Variants in MED13L observed in about 807,000 individuals in gnomAD.
MED13L encodes mediator of RNA polymerase II transcription subunit 13-like.
MED13L carries 7 observed loss-of-function variants against 220.9 expected under a neutral mutation model. The observed-to-expected ratio is 0.03, with a 90% CI of 0.02 to 0.06. The LOEUF (loss-of-function observed/expected upper bound fraction) is 0.06, where lower values mean the gene tolerates loss of function less well. MED13L is among the 10% of genes least tolerant of loss of function. The pLI, the probability that MED13L is intolerant of heterozygous loss-of-function variation, is 1.00. For synonymous variants in MED13L, 1,011 were observed against 1,015.2 expected (o/e 1.00, Z 0.08); for missense variants, 1,965 against 2,760.5 (o/e 0.71, Z 6.46).
intron 25 of MED13L, among the ~76,000 whole-genome samples, chr12:115,973,663 A>C (rs902971813): frequency 2.0e-5 from 3 of 152,226 alleles, no homozygotes; most frequent in Admixed American, 2.0e-4. Flanking sequence ...CCTTTAAGAA[A>C]TAAGATTGAC....
At chr12:116,094,549 T>C (rs1872510244) in intron 4 of MED13L, among the ~76,000 whole-genome samples, 1 of 152,216 alleles carries the variant, frequency 6.6e-6, no homozygotes, top group Non-Finnish European at 1.5e-5. Flanking sequence ...ATGATAGTTA[T>C]TTTTTACTAT....
chr12:116,040,880 T>C (rs887316280), intron 4 of MED13L, among the ~76,000 whole-genome samples: 2 of 152,006 alleles, frequency 1.3e-5, no homozygotes, highest in African/African-American at 2.4e-5. Context: ...AAAGTACTTG[T>C]ATGATGCATC....
intron 3 of MED13L, among the ~76,000 whole-genome samples, chr12:116,109,408 C>G (rs1232114870): frequency 6.6e-6 from 1 of 151,974 alleles, no homozygotes; most frequent in Non-Finnish European, 1.5e-5. Flanking sequence ...AGTTTTTCTG[C>G]TCTTCTAATT....
intron 4 of MED13L, among the ~76,000 whole-genome samples, chr12:116,035,948 AATTTAT>A (rs1193910574): frequency 6.6e-6 from 1 of 152,086 alleles, no homozygotes; most frequent in African/African-American, 2.4e-5. Context: ...TCACTATTTT[AATTTAT>A]ATGTCCAATG....
At chr12:116,032,706 G>T (rs578175250) in intron 4 of MED13L, among the ~76,000 whole-genome samples, 1 of 152,052 alleles carries the variant, frequency 6.6e-6, no homozygotes, top group African/African-American at 2.4e-5. Context: ...AGTTACAACC[G>T]CCATGGGTCT....
intron 2 of MED13L, among the ~76,000 whole-genome samples, chr12:116,176,877 A>C (rs1321480912): frequency 1.7e-5 from 1 of 58,714 alleles, no homozygotes; most frequent in Non-Finnish European, 3.8e-5. Flanking sequence ...GAACTCAGCC[A>C]AAAAAAAAAA....
Position 116,174,368 on chromosome 12 carries a change from GT to G in MED13L, c.311-62857del, listed in dbSNP as rs1249199139. On this transcript the variant is annotated intron_variant, in intron 2 of 30. Coordinates refer to ENST00000281928, the MANE Select transcript of MED13L (RefSeq NM_015335.5). ...TTCTAAGACACAAACACCTGAAAGA[GT>G]AATAGGTAGAGAGACACTGATTCAT... The G allele has an allele frequency of 4.6e-5, 7 of 152,110 alleles. No homozygotes were observed. In the East Asian group the frequency reaches 1.2e-3, roughly 25 times the overall value. 9.4% of individuals were successfully genotyped at this position (152,110 alleles called of 1,614,324 possible).
At chr12:116,044,161 G>T (rs1283147703) in intron 4 of MED13L, among the ~76,000 whole-genome samples, 2 of 152,058 alleles carry the variant, frequency 1.3e-5, no homozygotes, top group Non-Finnish European at 2.9e-5. Flanking sequence ...AAATCAACTT[G>T]GTATTCTAGT....
intron 4 of MED13L, among the ~76,000 whole-genome samples, chr12:116,078,335 TTAATTTCTACATA>T (rs1379910073): frequency 4.6e-5 from 7 of 152,264 alleles, no homozygotes; most frequent in South Asian, 4.1e-4. Context: ...TACATATAAT[TTAATTTCTACATA>T]TAATTTCTAC....
chr12:116,273,181 G>A (rs1873530045), intron 1 of MED13L, among the ~76,000 whole-genome samples: 1 of 152,140 alleles, frequency 6.6e-6, no homozygotes, highest in South Asian at 2.1e-4. Flanking sequence ...GCACATGCCT[G>A]TAATCCCAGG....
At chr12:116,199,248 TAGTC>T (rs1386832333) in intron 2 of MED13L, among the ~76,000 whole-genome samples, 4 of 152,188 alleles carry the variant, frequency 2.6e-5, no homozygotes, top group African/African-American at 9.7e-5. Context: ...TATACAGTAC[TAGTC>T]AGTCAGAGAA....
At chr12:116,069,833 G>A (rs1231619802) in intron 4 of MED13L, among the ~76,000 whole-genome samples, 1 of 152,088 alleles carries the variant, frequency 6.6e-6, no homozygotes, top group Non-Finnish European at 1.5e-5. Flanking sequence ...ACTACCTTCA[G>A]GCTACATGTG....
chr12:115,972,637 G>A (rs1876668757), intron 25 of MED13L, among the ~76,000 whole-genome samples: 1 of 152,178 alleles, frequency 6.6e-6, no homozygotes, highest in South Asian at 2.1e-4. Context: ...ACTGGCAGGT[G>A]GAGGTAAACC....
chr12:115,970,049 T>C (rs768357133), intron 27 of MED13L, among the ~76,000 whole-genome samples: 29 of 152,322 alleles, frequency 1.9e-4, no homozygotes, highest in East Asian at 1.2e-3. Flanking sequence ...TTACCATAAA[T>C]AAACACTGGT....
chr12:115,966,148 C>T lies in MED13L; in HGVS notation c.6321G>A (p.Glu2107=). The T allele has an allele frequency of 1.2e-6, 2 of 1,614,144 alleles. No homozygotes were observed. The highest frequency in any genetic ancestry group is 1.7e-6 in the Non-Finnish European group (2 of 1,180,022). ...ATGACCAAAACCACTGGGGAAGATT[C>T]TCAGCTTTGGCAGTTGATACAAAAT... ...LGYFVSTAKA[E]NLPQWFWSSC... The change falls in exon 29 of 31, where the codon GAG becomes GAA. Residue 2107 remains glutamate, a synonymous_variant. Coordinates refer to ENST00000281928, the MANE Select transcript of MED13L (RefSeq NM_015335.5).
chr12:116,031,720 GA>G lies in MED13L; in HGVS notation c.480-9120del, dbSNP rs1254065880. On this transcript the variant is annotated intron_variant, in intron 4 of 30. Transcript: ENST00000281928. ...GAAAAGAAAAGAAAAGAAAAGAAAAGAAAAGAAAAGAAAAGAAAAGAAAAGA... is the reference window on the plus strand; with the variant it reads ...GAAAAGAAAAGAAAAGAAAAGAAAAGAAAGAAAAGAAAAGAAAAGAAAAGA... Among the ~76,000 whole-genome samples, 108 of 62,218 alleles carry G rather than the reference GA, an allele frequency of 1.7e-3. 2 individuals are homozygous for G. Among genetic ancestry groups the G allele is most frequent in the African/African-American group, 7.3e-3 (92 of 12,670 alleles). 40.8% of individuals were successfully genotyped at this position (62,218 alleles called of 152,430 possible).
chr12:116,024,447 C>T (rs1880246691), intron 4 of MED13L, among the ~76,000 whole-genome samples: 1 of 152,092 alleles, frequency 6.6e-6, no homozygotes, highest in Non-Finnish European at 1.5e-5. Context: ...TGAGAAACGT[C>T]CATTCAGGTA....
chr12:115,983,573 T>C (rs931908216), intron 20 of MED13L, 33 bp from the exon 21 acceptor site: 7 of 1,611,080 alleles, frequency 4.3e-6, no homozygotes, highest in Admixed American at 3.3e-5. Flanking sequence ...GTGACTTTAG[T>C]GATATTCTGC....
intron 2 of MED13L, among the ~76,000 whole-genome samples, chr12:116,235,676 T>C (rs953379358): frequency 3.9e-5 from 6 of 152,314 alleles, no homozygotes; most frequent in South Asian, 4.1e-4. Flanking sequence ...AAAATTTAAA[T>C]GCCCTACTCC....
Sources: gnomAD v4.1 joint callset for allele counts (sites outside exome capture counted in the v4.1 genomes callset) on GRCh38, gnomAD v4.1.1 for gene constraint, MANE v1.5 for transcripts, NCBI Gene and HGNC (gene_info 2026-07-23, HGNC 2026-07-21) for gene names.